Variants in HPCAL1 observed in about 807,000 individuals in gnomAD.
HPCAL1 encodes hippocalcin-like protein 1.
Under a neutral mutation model 17.1 loss-of-function variants are expected in HPCAL1, and 8 were observed. The observed-to-expected ratio is 0.47, with a 90% CI of 0.27 to 0.84. The LOEUF (loss-of-function observed/expected upper bound fraction) is 0.84. Among genes scored for constraint, HPCAL1 ranks in the 40% least tolerant of loss-of-function variants. HPCAL1 has a pLI of 0.13. For synonymous variants in HPCAL1, 112 were observed against 111.4 expected (o/e 1.01, Z -0.03); for missense variants, 165 against 271.1 (o/e 0.61, Z 2.75).
At chr2:10,388,021 G>T (rs1489670470) in intron 1 of HPCAL1, among the ~76,000 whole-genome samples, 1 of 152,090 alleles carries the variant, frequency 6.6e-6, no homozygotes. Flanking sequence ...CCCTGCACTC[G>T]CAGGCCCCCC....
At chr2:10,410,433 CTTCTTTTTTTTTTTTTT>C (rs1452495819) in intron 2 of HPCAL1, among the ~76,000 whole-genome samples, 1 of 75,940 alleles carries the variant, frequency 1.3e-5, no homozygotes, top group South Asian at 6.1e-4. Flanking sequence ...TTTTCTTCTT[CTTCTTTTTTTTTTTTTT>C]TTTTTTTTTT....
At chr2:10,423,162 C>A in intron 4 of HPCAL1, 74 bp downstream of exon 4, 1 of 1,121,912 alleles carries the variant, frequency 8.9e-7, no homozygotes. Context: ...GGGGCACCCC[C>A]TCCCCTCTGC....
In HPCAL1 at chr2:10,365,918, A is replaced by G. The variant is rs1666820579; in HGVS notation, c.-110-30917A>G. Among the ~76,000 whole-genome samples the G allele has an allele frequency of 6.6e-6, 1 of 152,158 alleles. No individual in the cohort carries two copies. Among genetic ancestry groups the G allele is most frequent in the Non-Finnish European group, 1.5e-5 (1 of 68,022 alleles). On this transcript the variant is annotated intron_variant, in intron 1 of 4. Coordinates refer to ENST00000307845, the MANE Select transcript of HPCAL1 (RefSeq NM_002149.4). The surrounding 1 kb of genome is among the most constrained non-coding windows in gnomAD (Gnocchi z 4.8). The stretch of plus-strand genomic sequence containing the variant: ...CCTCGGCCTCCCATTGAGATCAGCT[A>G]TACGTGATATAGACCAGGGATGCAC...
intron 1 of HPCAL1, among the ~76,000 whole-genome samples, chr2:10,387,296 C>T (rs535595642): frequency 5.3e-5 from 8 of 152,370 alleles, no homozygotes; most frequent in Middle Eastern, 3.4e-3. Context: ...GGGATGCCCA[C>T]GGTACCGTGG....
intron 2 of HPCAL1, among the ~76,000 whole-genome samples, chr2:10,406,081 T>C (rs1301670476): frequency 6.6e-6 from 1 of 152,232 alleles, no homozygotes; most frequent in African/African-American, 2.4e-5. Context: ...CTTGCTGTCA[T>C]CAACATGCGT....
intron 2 of HPCAL1, among the ~76,000 whole-genome samples, chr2:10,405,419 GC>G (rs1359981433): frequency 6.6e-6 from 1 of 152,222 alleles, no homozygotes; most frequent in Non-Finnish European, 1.5e-5. Context: ...TCCCTCCATG[GC>G]CCCTCCAGGG....
chr2:10,368,108 G>A (rs1026743397), intron 1 of HPCAL1, among the ~76,000 whole-genome samples: 10 of 152,066 alleles, frequency 6.6e-5, no homozygotes, highest in South Asian at 2.1e-4. Context: ...GTGCATATGC[G>A]CATACACATG....
At chr2:10,319,594 G>GC (rs1663543508) in intron 1 of HPCAL1, among the ~76,000 whole-genome samples, 2 of 145,284 alleles carry the variant, frequency 1.4e-5, no homozygotes, top group African/African-American at 5.4e-5. Flanking sequence ...GGGGTGGGGT[G>GC]GGGTGGGCAG....
intron 2 of HPCAL1, among the ~76,000 whole-genome samples, chr2:10,399,887 C>G (rs1354855536): frequency 6.6e-6 from 1 of 152,222 alleles, no homozygotes. Flanking sequence ...TACCCTGTGT[C>G]AGACAAGCTT....
rs1401653791 is a variant in HPCAL1 at position 10,344,125 on chromosome 2, G to T, written c.-111+40948G>T. ...ACACGAAAAAGCCAGAACAAAACAA[G>T]CAGACGGTTGAGGACTGCAGTGAAC... On this transcript the variant is annotated intron_variant, in intron 1 of 4. Coordinates refer to ENST00000307845, the MANE Select transcript of HPCAL1 (RefSeq NM_002149.4). The surrounding 1 kb of genome is among the most constrained non-coding windows in gnomAD (Gnocchi z 4.9). Among the ~76,000 whole-genome samples the T allele has an allele frequency of 6.6e-6, 1 of 152,250 alleles. No individual in the cohort carries two copies. Among genetic ancestry groups the T allele is most frequent in the East Asian group, 1.9e-4 (1 of 5,180 alleles).
intron 1 of HPCAL1, among the ~76,000 whole-genome samples, chr2:10,385,897 C>T (rs1449463936): frequency 3.3e-5 from 5 of 152,036 alleles, no homozygotes; most frequent in African/African-American, 7.3e-5. Context: ...GGCCTCGTGT[C>T]GGGGGGTGTC....
At chr2:10,361,131 C>T (rs1666499034) in intron 1 of HPCAL1, among the ~76,000 whole-genome samples, 1 of 147,692 alleles carries the variant, frequency 6.8e-6, no homozygotes, top group African/African-American at 2.5e-5. Flanking sequence ...GCGTGTCTGG[C>T]CTCCCCAGTG....
chr2:10,407,501 G>C (rs1040056728), intron 2 of HPCAL1, among the ~76,000 whole-genome samples: 1 of 152,190 alleles, frequency 6.6e-6, no homozygotes, highest in African/African-American at 2.4e-5. Context: ...GCCAGGCCCT[G>C]TTTTGGGCCC....
At chr2:10,337,896 A>G (rs975210629) in intron 1 of HPCAL1, among the ~76,000 whole-genome samples, 1 of 152,000 alleles carries the variant, frequency 6.6e-6, no homozygotes, top group Admixed American at 6.6e-5. Context: ...CCCTCTGAGG[A>G]TGGGTCGGCC....
intron 1 of HPCAL1, chr2:10,369,164 G>A (rs1400313313): frequency 1.3e-5 from 2 of 152,234 alleles, no homozygotes; most frequent in African/African-American, 4.8e-5. Context: ...GCAACACAAG[G>A]ATTCCCCTCC....
chr2:10,315,868 A>G (rs1572621575), intron 1 of HPCAL1, among the ~76,000 whole-genome samples: 1 of 152,094 alleles, frequency 6.6e-6, no homozygotes, highest in Admixed American at 6.5e-5. Context: ...TTAGCTGGGC[A>G]TGGTGGCTCA....
chr2:10,411,491 CCTT>C (rs574645181), intron 2 of HPCAL1, among the ~76,000 whole-genome samples: 2 of 152,232 alleles, frequency 1.3e-5, no homozygotes, highest in African/African-American at 4.8e-5. Context: ...TTGAAATCCT[CCTT>C]GTCATTCAGT....
rs535113881 is a variant in HPCAL1 at position 10,320,037 on chromosome 2, C to T, written c.-111+16860C>T. On this transcript the variant is annotated intron_variant, in intron 1 of 4. Transcript: ENST00000307845. ...GGGAGGCCCTCTTGCTCCTGCAGCC[C>T]CCCGAGTCCCCTTTGCAGCTCCCAG... Among the ~76,000 whole-genome samples the T allele has an allele frequency of 8.5e-5, 13 of 152,110 alleles. No individual in the cohort carries two copies. The South Asian group carries it at 2.7e-3, about 32-fold the overall frequency.
intron 1 of HPCAL1, among the ~76,000 whole-genome samples, chr2:10,332,512 C>A (rs1367734805): frequency 6.6e-6 from 1 of 152,012 alleles, no homozygotes; most frequent in Non-Finnish European, 1.5e-5. Context: ...TGGGGGGTAG[C>A]CGTGCAGGGA....
Sources: gnomAD v4.1 joint callset for allele counts (sites outside exome capture counted in the v4.1 genomes callset) on GRCh38, gnomAD v4.1.1 for gene constraint, Gnocchi (gnomAD v3.1) non-coding constraint, MANE v1.5 for transcripts, NCBI Gene and HGNC (gene_info 2026-07-23, HGNC 2026-07-21) for gene names.